Variants in GAS7 observed in about 807,000 individuals in gnomAD.
GAS7 encodes the protein growth arrest specific 7.
Under a neutral mutation model 71.1 loss-of-function variants are expected in GAS7, and 28 were observed. The observed-to-expected ratio is 0.39, with a 90% CI of 0.29 to 0.54. The LOEUF (loss-of-function observed/expected upper bound fraction) is 0.54. GAS7 is among the 20% of genes least tolerant of loss of function. The pLI is 0.62. For synonymous variants in GAS7, 258 were observed against 245.8 expected (o/e 1.05, Z -0.46); for missense variants, 436 against 627.8 (o/e 0.69, Z 3.27).
chr17:10,126,110 G>C (rs2073944361), intron 1 of GAS7, among the ~76,000 whole-genome samples: 1 of 152,174 alleles, frequency 6.6e-6, no homozygotes, highest in Non-Finnish European at 1.5e-5. Context: ...CACTATTTGG[G>C]TTCCCTGGCC....
At chr17:10,001,735 C>T (rs549725793) in intron 2 of GAS7, among the ~76,000 whole-genome samples, 2 of 152,342 alleles carry the variant, frequency 1.3e-5, no homozygotes, top group South Asian at 2.1e-4. Context: ...TGGTTCAGAG[C>T]AGCCAAGAGA....
At chr17:10,011,295 G>A (rs73272732) in intron 2 of GAS7, among the ~76,000 whole-genome samples, 14,887 of 152,262 alleles carry the variant, frequency 0.098, 840 homozygotes, top group African/African-American at 0.15. Context: ...CTGCATGGTG[G>A]AATCTGGCTT....
rs117552174 is a variant in GAS7 at position 10,082,619 on chromosome 17, A to G, written c.184-62722T>C. Among the ~76,000 whole-genome samples, 165 of 152,362 alleles carry G rather than the reference A, an allele frequency of 1.1e-3. 2 individuals are homozygous for G. The East Asian group carries it at 0.028, about 25-fold the overall frequency. On this transcript the variant is annotated intron_variant, in intron 1 of 13. Transcript: ENST00000432992. ...ATAAAGTTAAATGCATGCTTACCAT[A>G]TGATCCAGCAATTTCACTCCTACGT...
At chr17:10,192,302 T>C (rs551275010) in intron 1 of GAS7, among the ~76,000 whole-genome samples, 2 of 152,348 alleles carry the variant, frequency 1.3e-5, no homozygotes, top group African/African-American at 4.8e-5. Context: ...CCTCCTGACA[T>C]TTTGTTAGAA....
chr17:9,913,548 A>T lies in GAS7; in HGVS notation c.*3680T>A, dbSNP rs1270750706. ...AGGGAAAGAAACCCCTGGTTGGTGA[A>T]TTCGTTGGTACACTGTTTCGGTGTG... On this transcript the variant is annotated 3_prime_UTR_variant, in exon 14 of 14. Transcript: ENST00000432992. 4.3e-6 allele frequency: 1 copy of T among 231,560 alleles called. No individual in the cohort carries two copies. The highest frequency in any genetic ancestry group is 8.6e-6 in the Non-Finnish European group (1 of 116,868). The allele number at this position is 231,560 out of a possible 1,614,324, so 14.3% of individuals were successfully genotyped here. A position where few individuals can be genotyped will look rare whatever the true frequency, so the allele number is the denominator to read the frequency against.
chr17:10,105,115 C>T (rs1483346509), intron 1 of GAS7, among the ~76,000 whole-genome samples: 2 of 152,192 alleles, frequency 1.3e-5, no homozygotes, highest in South Asian at 2.1e-4. Context: ...TGGCCACATA[C>T]GGCTATTTAA....
At chr17:10,113,188 G>A (rs2073830357) in intron 1 of GAS7, among the ~76,000 whole-genome samples, 1 of 152,124 alleles carries the variant, frequency 6.6e-6, no homozygotes, top group Non-Finnish European at 1.5e-5. Context: ...GAAAGTGCAC[G>A]ATGCTGGCAA....
intron 11 of GAS7, among the ~76,000 whole-genome samples, chr17:9,925,100 C>T (rs928219360): frequency 5.9e-5 from 9 of 152,284 alleles, no homozygotes; most frequent in Non-Finnish European, 1.2e-4. Flanking sequence ...CTTCTGTGGG[C>T]TCTGAACAGG....
At chr17:9,928,115 A>ATTTT (rs540014843) in intron 9 of GAS7, among the ~76,000 whole-genome samples, 12 of 144,576 alleles carry the variant, frequency 8.3e-5, no homozygotes, top group African/African-American at 3.3e-4. Flanking sequence ...TTTTTTATTT[A>ATTTT]TTTATTTATT....
chr17:10,005,050 T>TATATATATAC (rs1296844463), intron 2 of GAS7, among the ~76,000 whole-genome samples: 2 of 150,080 alleles, frequency 1.3e-5, no homozygotes, highest in African/African-American at 5.0e-5. Context: ...TACATATATA[T>TATATATATAC]ACACATATAT....
At chr17:10,008,067 T>C (rs986610736) in intron 2 of GAS7, among the ~76,000 whole-genome samples, 6 of 152,350 alleles carry the variant, frequency 3.9e-5, no homozygotes, top group Non-Finnish European at 7.3e-5. Context: ...AGCACCTTCA[T>C]TCCTTTTTAT....
intron 1 of GAS7, among the ~76,000 whole-genome samples, chr17:10,116,433 G>A (rs1012447639): frequency 1.3e-5 from 2 of 152,132 alleles, no homozygotes; most frequent in Non-Finnish European, 2.9e-5. Flanking sequence ...GCTGCTGCAG[G>A]GCTTACCCCG....
intron 1 of GAS7, among the ~76,000 whole-genome samples, chr17:10,100,694 T>A (rs2073689872): frequency 6.6e-6 from 1 of 152,154 alleles, no homozygotes. Flanking sequence ...GTGACTTTCC[T>A]GGTTTTTTTC....
intron 1 of GAS7, among the ~76,000 whole-genome samples, chr17:10,074,680 C>A (rs965642560): frequency 1.3e-5 from 2 of 152,146 alleles, no homozygotes; most frequent in Non-Finnish European, 2.9e-5. Context: ...CTGTACCTGT[C>A]GGTGTGGTTT....
rs57604032 is a variant in GAS7, at chr17:10,154,913, T to TACACACAC, written c.183+43287_183+43294dup. On this transcript the variant is annotated intron_variant, in intron 1 of 13. Coordinates refer to ENST00000432992, the MANE Select transcript of GAS7 (RefSeq NM_201433.2). ...ATTACCCCAATCCCCAACCCCAGGCTACACACACACACACACACACACACA... is the reference window on the plus strand; with the variant it reads ...ATTACCCCAATCCCCAACCCCAGGCTACACACACACACACACACACACACACACACACA... Among the ~76,000 whole-genome samples the TACACACAC allele has an allele frequency of 9.6e-3, 1,363 of 142,008 alleles. 11 individuals carry two copies. The highest frequency in any genetic ancestry group is 0.033 in the African/African-American group (1,270 of 37,994). 93.2% of individuals were successfully genotyped at this position (142,008 alleles called of 152,430 possible). A position where few individuals can be genotyped will look rare whatever the true frequency, so the allele number is the denominator to read the frequency against.
chr17:10,063,564 T>C (rs2073243251), intron 1 of GAS7, among the ~76,000 whole-genome samples: 1 of 152,222 alleles, frequency 6.6e-6, no homozygotes, highest in Non-Finnish European at 1.5e-5. Context: ...TTCGGCAGTT[T>C]GCCCCAGGCA....
chr17:9,971,262 A>G (rs1473260621), intron 3 of GAS7, among the ~76,000 whole-genome samples: 1 of 152,066 alleles, frequency 6.6e-6, no homozygotes, highest in Non-Finnish European at 1.5e-5. Flanking sequence ...TTTAAAAAAA[A>G]TTAAAAAGGG....
chr17:9,948,500 T>C (rs2068876850), intron 5 of GAS7, among the ~76,000 whole-genome samples: 7 of 152,140 alleles, frequency 4.6e-5, no homozygotes, highest in South Asian at 2.1e-4. Context: ...CTGACCAATA[T>C]GGTGAAACCC....
chr17:10,094,298 T>C (rs2073618708), intron 1 of GAS7, among the ~76,000 whole-genome samples: 1 of 152,174 alleles, frequency 6.6e-6, no homozygotes, highest in Non-Finnish European at 1.5e-5. Context: ...AGCTGGGTCA[T>C]TCCTGAAGGA....
Sources: allele counts gnomAD v4.1 joint callset (sites outside exome capture counted in the v4.1 genomes callset), GRCh38; gene constraint gnomAD v4.1.1; transcripts MANE v1.5; gene names NCBI Gene and HGNC (gene_info 2026-07-23, HGNC 2026-07-21).